Variants in TBC1D12 observed in about 807,000 individuals in gnomAD.
TBC1D12 encodes the protein TBC1 domain family, member 12.
In TBC1D12, 56 loss-of-function variants were observed where a neutral mutation model predicts 86.7. The observed-to-expected ratio is 0.65, with a 90% confidence interval of 0.52 to 0.81. TBC1D12 has a LOEUF of 0.81. TBC1D12 is among the 30% of genes least tolerant of loss of function. The pLI, the probability that TBC1D12 is intolerant of heterozygous loss-of-function variation, is 0.00. For synonymous variants in TBC1D12, 421 were observed against 411.7 expected (o/e 1.02, Z -0.27); for missense variants, 1,023 against 1,038.8 (o/e 0.98, Z 0.21).
chr10:94,530,727 C>A (rs1213939852), intron 11 of TBC1D12, among the ~76,000 whole-genome samples: 1 of 152,094 alleles, frequency 6.6e-6, no homozygotes, highest in Non-Finnish European at 1.5e-5. Flanking sequence ...TAGCTCATAC[C>A]CTTAACTACC....
chr10:94,416,180 A>G (rs1013461843), intron 1 of TBC1D12, among the ~76,000 whole-genome samples: 4 of 152,246 alleles, frequency 2.6e-5, no homozygotes, highest in Admixed American at 1.3e-4. Context: ...AGGTTCTATC[A>G]TGCATATCAT....
At chr10:94,409,178 A>G (rs778199757) in intron 1 of TBC1D12, among the ~76,000 whole-genome samples, 1 of 152,102 alleles carries the variant, frequency 6.6e-6, no homozygotes, top group African/African-American at 2.4e-5. Context: ...CTAGGGACCT[A>G]CACTAAAGCA....
At chr10:94,485,070 A>C (rs901410244) in intron 3 of TBC1D12, among the ~76,000 whole-genome samples, 10 of 152,124 alleles carry the variant, frequency 6.6e-5, no homozygotes, top group African/African-American at 2.4e-4. Context: ...TTCCTTTACA[A>C]TTTGGATACC....
intron 1 of TBC1D12, among the ~76,000 whole-genome samples, chr10:94,422,960 C>T (rs1408149189): frequency 2.0e-5 from 3 of 152,100 alleles, no homozygotes; most frequent in African/African-American, 7.2e-5. Context: ...CTAGGCTGGG[C>T]ACTGTGGCTC....
At position 94,507,318 on chromosome 10, in the gene TBC1D12, G is replaced by T. The variant is rs1045573835; in HGVS notation, c.1571G>T (p.Ser524Ile). 3.1e-6 allele frequency: 5 copies of T among 1,609,370 alleles called. No individual in the cohort carries two copies. The highest frequency in any genetic ancestry group is 1.7e-5 in the Admixed American group (1 of 58,548). Residue 524 changes from serine (S) to isoleucine (I), a missense_variant, in exon 7 of 13, where the codon AGT becomes ATT. Coordinates refer to ENST00000225235, the MANE Select transcript of TBC1D12 (RefSeq NM_015188.2). ...GCAAAAGAACGGTGGAAAAGTTTCA[G>T]TGAAACAAGTTCAGAGAATGATACA... is the stretch of plus-strand genomic sequence containing the variant. ...SRAKERWKSF[S>I]ETSSENDTEG...
chr10:94,533,641 G>A lies in TBC1D12; in HGVS notation c.*545G>A, dbSNP rs1842483931. On this transcript the variant is annotated 3_prime_UTR_variant, in exon 13 of 13. Coordinates refer to ENST00000225235, the MANE Select transcript of TBC1D12 (RefSeq NM_015188.2). ...AGTTGGGGCAAATTCGAGTTACCTA[G>A]GAACTGGAAATGTTGGTGGGAGATT... 6.6e-6 allele frequency: 1 copy of A among 152,168 alleles called. No homozygotes were observed. The highest frequency in any genetic ancestry group is 2.4e-5 in the African/African-American group (1 of 41,440). The allele number at this position is 152,168 out of a possible 1,614,324, so 9.4% of individuals were successfully genotyped here. A position where few individuals can be genotyped will look rare whatever the true frequency, so the allele number is the denominator to read the frequency against.
intron 4 of TBC1D12, among the ~76,000 whole-genome samples, chr10:94,495,616 A>G (rs771190163): frequency 6.6e-6 from 1 of 152,156 alleles, no homozygotes; most frequent in South Asian, 2.1e-4. Flanking sequence ...ACCTTGTTTG[A>G]TACTACCTTG....
At chr10:94,412,862 A>G (rs373196197) in intron 1 of TBC1D12, among the ~76,000 whole-genome samples, 2 of 152,166 alleles carry the variant, frequency 1.3e-5, no homozygotes, top group East Asian at 1.9e-4. Context: ...GGACCCTACT[A>G]CAGTGATTCT....
chr10:94,480,127 G>A (rs1382892306), intron 3 of TBC1D12, among the ~76,000 whole-genome samples: 1 of 152,194 alleles, frequency 6.6e-6, no homozygotes, highest in South Asian at 2.1e-4. Flanking sequence ...GATCAGAGCC[G>A]ATATCCAGTA....
chr10:94,517,537 A>C (rs1227613507), intron 9 of TBC1D12, among the ~76,000 whole-genome samples: 1 of 152,104 alleles, frequency 6.6e-6, no homozygotes, highest in Non-Finnish European at 1.5e-5. Flanking sequence ...CTGCAGACTT[A>C]TTAGGTCACT....
intron 1 of TBC1D12, among the ~76,000 whole-genome samples, chr10:94,416,795 A>G (rs879475482): frequency 2.0e-5 from 3 of 152,166 alleles, no homozygotes; most frequent in Non-Finnish European, 4.4e-5. Context: ...TAGATGAAAC[A>G]TGAAAGCTTA....
Position 94,533,166 on chromosome 10 carries a change from T to A in TBC1D12, c.*70T>A. On this transcript the variant is annotated 3_prime_UTR_variant, in exon 13 of 13. Transcript: ENST00000225235. ...GGATAAAGGTTTTTTGTTTCCTATG[T>A]AAAAGGCGTGGAAGAAAATGTTGGA... The A allele has an allele frequency of 1.1e-6, 1 of 935,572 alleles. No homozygotes were observed. The highest frequency in any genetic ancestry group is 1.6e-6 in the Non-Finnish European group (1 of 624,706). The allele number at this position is 935,572 out of a possible 1,614,324, so 58.0% of individuals were successfully genotyped here.
intron 9 of TBC1D12, 71 bp from the exon 10 acceptor site, chr10:94,521,884 A>C: frequency 7.6e-7 from 1 of 1,314,896 alleles, no homozygotes; most frequent in Non-Finnish European, 1.0e-6. Context: ...ATTTTTCAGG[A>C]GTACAATAAA....
At chr10:94,489,439 CCT>C (rs1298635677) in intron 3 of TBC1D12, among the ~76,000 whole-genome samples, 1 of 152,152 alleles carries the variant, frequency 6.6e-6, no homozygotes, top group Non-Finnish European at 1.5e-5. Context: ...CTCTGCAATG[CCT>C]CTTTCAGCGA....
At chr10:94,491,628 C>T (rs1406645161) in intron 3 of TBC1D12, among the ~76,000 whole-genome samples, 2 of 152,056 alleles carry the variant, frequency 1.3e-5, no homozygotes, top group East Asian at 3.9e-4. Flanking sequence ...AATTGCGTGC[C>T]ATTCTGAGTA....
chr10:94,497,999 T>A (rs1447891475), intron 5 of TBC1D12, among the ~76,000 whole-genome samples: 1 of 151,942 alleles, frequency 6.6e-6, no homozygotes, highest in Non-Finnish European at 1.5e-5. Flanking sequence ...ATTTTTTGTA[T>A]TTTTAGTAGA....
intron 2 of TBC1D12, among the ~76,000 whole-genome samples, chr10:94,446,590 A>G (rs912420054): frequency 4.6e-5 from 7 of 152,034 alleles, no homozygotes; most frequent in South Asian, 2.1e-4. Context: ...GGGGCTCACT[A>G]TGTTGCCCAG....
intron 9 of TBC1D12, among the ~76,000 whole-genome samples, chr10:94,512,501 A>G (rs1028882096): frequency 3.9e-5 from 6 of 152,218 alleles, no homozygotes; most frequent in African/African-American, 1.4e-4. Context: ...TTACTCAACA[A>G]ATATTTATTG....
intron 1 of TBC1D12, among the ~76,000 whole-genome samples, chr10:94,416,040 C>T (rs1373703279): frequency 1.3e-5 from 2 of 152,164 alleles, no homozygotes; most frequent in African/African-American, 4.8e-5. Flanking sequence ...TTGTATTGCT[C>T]TTCCACAACA....
Sources: gnomAD v4.1 joint callset for allele counts (sites outside exome capture counted in the v4.1 genomes callset) on GRCh38, gnomAD v4.1.1 for gene constraint, MANE v1.5 for transcripts, NCBI Gene and HGNC (gene_info 2026-07-23, HGNC 2026-07-21) for gene names.